PRKN: variants seen among roughly 807,000 people sequenced by gnomAD.
PRKN encodes the protein E3 ubiquitin-protein ligase parkin.
Under a neutral mutation model 59.5 loss-of-function variants are expected in PRKN, and 56 were observed. The observed-to-expected ratio is 0.94, with a 90% CI of 0.76 to 1.18. The LOEUF is 1.18. Ranked by LOEUF, PRKN falls within the 50% of genes most tolerant of loss-of-function variation. PRKN has a pLI of 0.00. For synonymous variants in PRKN, 250 were observed against 222.1 expected (o/e 1.13, Z -1.12); for missense variants, 657 against 596.4 (o/e 1.10, Z -1.06).
intron 2 of PRKN, among the ~76,000 whole-genome samples, chr6:162,273,839 T>C (rs1369556311): frequency 6.6e-6 from 1 of 152,198 alleles, no homozygotes; most frequent in East Asian, 1.9e-4. Context: ...TTTATCAGTA[T>C]GAATTATCAT....
rs771141235 is a variant in PRKN at position 162,020,332 on chromosome 6, C to CAAAAAAAAA, written c.618+33750_618+33758dup. Among the ~76,000 whole-genome samples the CAAAAAAAAA allele has an allele frequency of 7.3e-3, 330 of 45,452 alleles. 2 individuals carry two copies. Among genetic ancestry groups the CAAAAAAAAA allele is most frequent in the East Asian group, 0.017 (10 of 580 alleles). 29.8% of individuals were successfully genotyped at this position (45,452 alleles called of 152,430 possible). ...AATGCTGACTAAGTGACCAATGAAT[C>CAAAAAAAAA]AAAAAAAAAAAAAAAAAAAAAAAAA... is the stretch of plus-strand genomic sequence containing the variant. On this transcript the variant is annotated intron_variant, in intron 5 of 11. Transcript: ENST00000366898.
intron 9 of PRKN, among the ~76,000 whole-genome samples, chr6:161,415,509 C>T (rs1427949484): frequency 6.6e-6 from 1 of 151,626 alleles, no homozygotes; most frequent in East Asian, 1.9e-4. Context: ...AGTGATTGTT[C>T]CAGCCACAGA....
intron 2 of PRKN, among the ~76,000 whole-genome samples, chr6:162,405,671 G>A (rs1188339585): frequency 6.6e-6 from 1 of 152,098 alleles, no homozygotes; most frequent in Non-Finnish European, 1.5e-5. Flanking sequence ...AATCTGAATG[G>A]TGTCCTTATA....
At chr6:162,679,036 A>G (rs922309605) in intron 1 of PRKN, among the ~76,000 whole-genome samples, 2 of 151,926 alleles carry the variant, frequency 1.3e-5, no homozygotes, top group Admixed American at 1.3e-4. Flanking sequence ...TTGGCCTCCC[A>G]AAGTGCGGGA....
At chr6:162,532,316 T>C (rs554796556) in intron 1 of PRKN, among the ~76,000 whole-genome samples, 7 of 152,354 alleles carry the variant, frequency 4.6e-5, no homozygotes, top group African/African-American at 1.4e-4. Flanking sequence ...AGCATATTCC[T>C]GTCACCTTAC....
At chr6:162,481,046 C>A (rs1792286884) in intron 1 of PRKN, among the ~76,000 whole-genome samples, 1 of 152,098 alleles carries the variant, frequency 6.6e-6, no homozygotes, top group Non-Finnish European at 1.5e-5. Context: ...TTGTCCCAAA[C>A]TCCTGACCTC....
At chr6:162,297,674 T>G (rs967298568) in intron 2 of PRKN, among the ~76,000 whole-genome samples, 3 of 152,148 alleles carry the variant, frequency 2.0e-5, no homozygotes, top group Non-Finnish European at 2.9e-5. Context: ...AAAAATATTC[T>G]TATTATTAAG....
rs939217177 is a variant in PRKN at position 161,354,957 on chromosome 6, A to C, written c.1286-4746T>G. 1.3e-5 allele frequency among the ~76,000 whole-genome samples: 2 copies of C among 152,250 alleles called. No homozygotes were observed. The highest frequency in any genetic ancestry group is 4.8e-5 in the African/African-American group (2 of 41,474). On this transcript the variant is annotated intron_variant, in intron 11 of 11. Coordinates refer to ENST00000366898, the MANE Select transcript of PRKN (RefSeq NM_004562.3). This position sits in a 1 kb window ranked among gnomAD's most constrained non-coding sequence, Gnocchi z 6.7. The stretch of plus-strand genomic sequence containing the variant: ...TACAACTCCATCTTTGGAGGCTGCC[A>C]GCATGTTCTGAGTCCAGGGCAGATC...
At chr6:162,362,759 A>G (rs1273791974) in intron 2 of PRKN, among the ~76,000 whole-genome samples, 1 of 152,080 alleles carries the variant, frequency 6.6e-6, no homozygotes, top group Non-Finnish European at 1.5e-5. Flanking sequence ...TACGTGAGGA[A>G]GCCTCCTCTA....
chr6:161,970,458 C>T (rs79776020), intron 6 of PRKN, among the ~76,000 whole-genome samples: 4,503 of 151,664 alleles, frequency 0.03, 214 homozygotes, highest in African/African-American at 0.1. Context: ...CACACACACA[C>T]TGCAAATAGG....
chr6:162,483,072 A>G (rs1583650583), intron 1 of PRKN, among the ~76,000 whole-genome samples: 1 of 152,212 alleles, frequency 6.6e-6, no homozygotes, highest in Non-Finnish European at 1.5e-5. Flanking sequence ...TATAATTACT[A>G]CAGCCTCCAT....
At chr6:162,625,063 C>T (rs1228607930) in intron 1 of PRKN, among the ~76,000 whole-genome samples, 1 of 152,176 alleles carries the variant, frequency 6.6e-6, no homozygotes, top group Non-Finnish European at 1.5e-5. Context: ...CTTGCTTTGG[C>T]CAATGAAATG....
At position 162,175,156 on chromosome 6, in the gene PRKN, T is replaced by C. The variant is rs74822593; in HGVS notation, c.534+25975A>G. On this transcript the variant is annotated intron_variant, in intron 4 of 11. Transcript: ENST00000366898. Reference sequence around the variant, plus strand: ...CTTATACATCTTGTACACCTTGTTGTCTTATACACCTTGGTAGGATGTTAG... The same window carrying C: ...CTTATACATCTTGTACACCTTGTTGCCTTATACACCTTGGTAGGATGTTAG... 8.1e-3 allele frequency among the ~76,000 whole-genome samples: 1,240 copies of C among 152,334 alleles called. 19 individuals carry two copies. Among genetic ancestry groups the C allele is most frequent in the African/African-American group, 0.028 (1,178 of 41,562 alleles).
chr6:162,070,585 T>C (rs2023063), intron 4 of PRKN, among the ~76,000 whole-genome samples: 68,517 of 152,044 alleles, frequency 0.45, 16,798 homozygotes, highest in African/African-American at 0.65. Flanking sequence ...TGGCCCCCAA[T>C]CTTTTTAGTT....
rs942578208 is a variant in PRKN, at chr6:161,983,918, A to T, written c.619-10501T>A. On this transcript the variant is annotated intron_variant, in intron 5 of 11. Transcript: ENST00000366898. Reference sequence around the variant, plus strand: ...ACTTAGAGTATAATAAAAAAAAAAAAAATAAAATAAAAGGTTTGCAGTCAT... The same window carrying T: ...ACTTAGAGTATAATAAAAAAAAAAATAATAAAATAAAAGGTTTGCAGTCAT... Among the ~76,000 whole-genome samples the T allele has an allele frequency of 1.1e-4, 17 of 152,054 alleles. 1 individual carries two copies. Among genetic ancestry groups the T allele is most frequent in the African/African-American group, 2.9e-4 (12 of 41,470 alleles).
intron 10 of PRKN, among the ~76,000 whole-genome samples, chr6:161,375,990 A>G (rs1328599942): frequency 6.6e-6 from 1 of 152,158 alleles, no homozygotes; most frequent in East Asian, 1.9e-4. Context: ...GGGGATCTAG[A>G]TCTCCGGGAA....
intron 6 of PRKN, among the ~76,000 whole-genome samples, chr6:161,869,427 T>C (rs1454422788): frequency 2.0e-5 from 3 of 151,906 alleles, no homozygotes; most frequent in Non-Finnish European, 4.4e-5. Context: ...AAGGCGATGG[T>C]CAACCCATAC....
intron 3 of PRKN, among the ~76,000 whole-genome samples, chr6:162,232,815 T>A (rs920794546): frequency 2.0e-5 from 3 of 152,166 alleles, no homozygotes; most frequent in Admixed American, 6.5e-5. Flanking sequence ...AATGCCAGTA[T>A]CTGCACAAAG....
intron 4 of PRKN, among the ~76,000 whole-genome samples, chr6:162,179,238 A>G (rs1235109732): frequency 5.3e-5 from 8 of 152,246 alleles, no homozygotes; most frequent in Admixed American, 6.5e-5. Context: ...GATACCACAC[A>G]TGTTCTATTT....
Sources: gnomAD v4.1 joint callset for allele counts (sites outside exome capture counted in the v4.1 genomes callset) on GRCh38, gnomAD v4.1.1 for gene constraint, Gnocchi (gnomAD v3.1) non-coding constraint, MANE v1.5 for transcripts, NCBI Gene and HGNC (gene_info 2026-07-23, HGNC 2026-07-21) for gene names.